Variants in ACADSB observed in about 807,000 individuals in gnomAD.
The protein encoded by ACADSB is short/branched chain specific acyl-CoA dehydrogenase, mitochondrial.
In ACADSB, 40 loss-of-function variants were observed where a neutral mutation model predicts 54.1. That is an observed-to-expected ratio of 0.74 (90% confidence interval 0.57 to 0.96). The LOEUF (loss-of-function observed/expected upper bound fraction) is 0.96, where lower values mean the gene tolerates loss of function less well. ACADSB is among the 40% of genes least tolerant of loss of function. The pLI, the probability that ACADSB is intolerant of heterozygous loss-of-function variation, is 0.00. For missense variants in ACADSB, 530 were observed against 510.4 expected (o/e 1.04, Z -0.37); for synonymous variants, 182 against 182.8 (o/e 1.00, Z 0.03).
intron 6 of ACADSB, among the ~76,000 whole-genome samples, chr10:123,044,015 A>G (rs1275658175): frequency 6.6e-6 from 1 of 152,222 alleles, no homozygotes; most frequent in Non-Finnish European, 1.5e-5. Context: ...AAGGCTTACT[A>G]CACTTGTTTT....
At chr10:123,045,921 G>A (rs916273980) in intron 7 of ACADSB, among the ~76,000 whole-genome samples, 3 of 152,138 alleles carry the variant, frequency 2.0e-5, no homozygotes, top group African/African-American at 7.2e-5. Flanking sequence ...AGAGGCACAC[G>A]GAGTATAACA....
At chr10:123,029,002 G>A (rs1057247641) in intron 1 of ACADSB, among the ~76,000 whole-genome samples, 16 of 152,202 alleles carry the variant, frequency 1.1e-4, no homozygotes, top group African/African-American at 3.9e-4. Flanking sequence ...CTTTGCTACA[G>A]ATTTGTTTTA....
At chr10:123,046,574 C>T (rs1243681174) in intron 7 of ACADSB, among the ~76,000 whole-genome samples, 1 of 152,208 alleles carries the variant, frequency 6.6e-6, no homozygotes, top group Non-Finnish European at 1.5e-5. Context: ...TTAGGTCACA[C>T]TCCTTCACCT....
intron 7 of ACADSB, 144 bp from the exon 8 acceptor site, chr10:123,047,062 GTTA>G: frequency 1.4e-6 from 1 of 691,702 alleles, no homozygotes; most frequent in Non-Finnish European, 2.5e-6. Flanking sequence ...GTGAGGATGT[GTTA>G]TTAACACACA....
rs926088135 is a variant in ACADSB, at chr10:123,056,888, G to A, written c.*3123G>A. ...AATTGTGTAAATACAATTGACATAGGAATTACATTAAAATATTAGGAAGAA... is the reference window on the plus strand; with the variant it reads ...AATTGTGTAAATACAATTGACATAGAAATTACATTAAAATATTAGGAAGAA... On this transcript the variant is annotated 3_prime_UTR_variant, in exon 11 of 11. Coordinates refer to ENST00000358776, the MANE Select transcript of ACADSB (RefSeq NM_001609.4). 8 of 152,558 alleles carry A rather than the reference G, an allele frequency of 5.2e-5. No individual in the cohort carries two copies. The highest frequency in any genetic ancestry group is 1.3e-4 in the Admixed American group (2 of 15,276). The allele number at this position is 152,558 out of a possible 1,614,324, so 9.5% of individuals were successfully genotyped here.
chr10:123,056,590 C>G lies in ACADSB; in HGVS notation c.*2825C>G, dbSNP rs191970839. On this transcript the variant is annotated 3_prime_UTR_variant, in exon 11 of 11. Transcript: ENST00000358776. ...CAGTCAGAAGAGACCCCCTGTGTGG[C>G]CTGAGTCCCCTCAGGAGGAAGGTGG... The G allele has an allele frequency of 6.6e-6, 1 of 152,304 alleles. No homozygotes were observed. Among genetic ancestry groups the G allele is most frequent in the African/African-American group, 2.4e-5 (1 of 41,524 alleles). The allele number at this position is 152,304 out of a possible 1,614,324, so 9.4% of individuals were successfully genotyped here.
At position 123,058,192 on chromosome 10, in the gene ACADSB, G is replaced by A. The variant is rs1044495386; in HGVS notation, c.*4427G>A. On this transcript the variant is annotated 3_prime_UTR_variant, in exon 11 of 11. Transcript: ENST00000358776. ...GATCTTTCATAAAGCAGAATGGTATGTATCGGATTGTTTTAATGTTATATA... is the reference window on the plus strand; with the variant it reads ...GATCTTTCATAAAGCAGAATGGTATATATCGGATTGTTTTAATGTTATATA... 3.3e-5 allele frequency: 5 copies of A among 152,128 alleles called. No homozygotes were observed. The highest frequency in any genetic ancestry group is 9.7e-5 in the African/African-American group (4 of 41,420). 9.4% of individuals were successfully genotyped at this position (152,128 alleles called of 1,614,324 possible). A position where few individuals can be genotyped will look rare whatever the true frequency, so the allele number is the denominator to read the frequency against.
intron 1 of ACADSB, among the ~76,000 whole-genome samples, chr10:123,027,229 C>A (rs1850266662): frequency 6.6e-6 from 1 of 152,106 alleles, no homozygotes; most frequent in South Asian, 2.1e-4. Context: ...AGTAAGGATG[C>A]CCAGGGCAGA....
chr10:123,044,070 C>A (rs1045444712), intron 6 of ACADSB, among the ~76,000 whole-genome samples: 1 of 151,454 alleles, frequency 6.6e-6, no homozygotes, highest in Non-Finnish European at 1.5e-5. Context: ...TGTTATCTCA[C>A]ACTGTAGCCT....
chr10:123,026,577 A>G (rs910687334), intron 1 of ACADSB, among the ~76,000 whole-genome samples: 2 of 152,300 alleles, frequency 1.3e-5, no homozygotes, highest in Admixed American at 6.5e-5. Flanking sequence ...TTAGATTTCT[A>G]TGCAGTCTAA....
At chr10:123,032,583 C>CTTTTT (rs889911796) in intron 1 of ACADSB, among the ~76,000 whole-genome samples, 89 of 106,918 alleles carry the variant, frequency 8.3e-4, no homozygotes, top group Non-Finnish European at 1.1e-3. Flanking sequence ...AATTTCCATT[C>CTTTTT]TTTTTTTTTT....
At chr10:123,049,486 T>C (rs1484477001) in intron 8 of ACADSB, among the ~76,000 whole-genome samples, 2 of 152,214 alleles carry the variant, frequency 1.3e-5, no homozygotes, top group African/African-American at 4.8e-5. Flanking sequence ...ACAGCATGGA[T>C]GGTGACTGTA....
chr10:123,027,542 T>G (rs1850271452), intron 1 of ACADSB: 1 of 455,298 alleles, frequency 2.2e-6, no homozygotes, highest in Non-Finnish European at 4.4e-6. Context: ...ATGTAAGAAG[T>G]GCCTTTTGCC....
intron 3 of ACADSB, among the ~76,000 whole-genome samples, chr10:123,039,212 C>T (rs1330453047): frequency 6.6e-6 from 1 of 152,194 alleles, no homozygotes. Flanking sequence ...GTGCCCTCCT[C>T]AGTTCTCAGG....
At position 123,034,533 on chromosome 10, in the gene ACADSB, T is replaced by C. The variant is rs1254630847; in HGVS notation, c.202+18T>C. On this transcript the variant is annotated intron_variant, in intron 2 of 10. Coordinates refer to ENST00000358776, the MANE Select transcript of ACADSB (RefSeq NM_001609.4). ...GAGTTCAGGTAAGTAAATTTATCAG[T>C]GTCACCTTTTTCTCCCCAGACAGGA... 22 of 1,600,834 alleles carry C rather than the reference T, an allele frequency of 1.4e-5. No homozygotes were observed. The highest frequency in any genetic ancestry group is 1.8e-5 in the Non-Finnish European group (21 of 1,178,358).
intron 1 of ACADSB, among the ~76,000 whole-genome samples, chr10:123,011,710 A>G (rs1850038821): frequency 6.6e-6 from 1 of 151,752 alleles, no homozygotes; most frequent in African/African-American, 2.4e-5. Context: ...TAGTTTTAGT[A>G]CAGATGGGGT....
chr10:123,051,119 C>T lies in ACADSB; in HGVS notation c.1061C>T (p.Ala354Val). The T allele has an allele frequency of 1.3e-6, 2 of 1,590,898 alleles. No homozygotes were observed. Among genetic ancestry groups the T allele is most frequent in the Non-Finnish European group, 1.7e-6 (2 of 1,171,958 alleles). Residue 354 changes from alanine (A) to valine (V), a missense_variant, in exon 9 of 11, where the codon GCT (alanine) becomes GTT (valine). Coordinates refer to ENST00000358776, the MANE Select transcript of ACADSB (RefSeq NM_001609.4). ...EAARLLTYNA[A>V]RLLEAGKPFI... is the part of the protein sequence containing the mutation. ...GCAAGATTACTAACATACAATGCTG[C>T]TAGGCTTTTAGAAGCTGGAAAGCCA... is the stretch of plus-strand genomic sequence containing the variant.
At chr10:123,018,341 C>A (rs1850135227) in intron 1 of ACADSB, among the ~76,000 whole-genome samples, 1 of 152,078 alleles carries the variant, frequency 6.6e-6, no homozygotes, top group Admixed American at 6.6e-5. Context: ...TGTGTTGATT[C>A]CCTTGCCTTG....
intron 5 of ACADSB, among the ~76,000 whole-genome samples, chr10:123,041,806 T>G (rs1421813544): frequency 1.3e-5 from 2 of 152,140 alleles, no homozygotes; most frequent in African/African-American, 4.8e-5. Flanking sequence ...ATGCAAATAT[T>G]ACACCATTTT....
Sources: gnomAD v4.1 joint callset for allele counts (sites outside exome capture counted in the v4.1 genomes callset) on GRCh38, gnomAD v4.1.1 for gene constraint, MANE v1.5 for transcripts, NCBI Gene and HGNC (gene_info 2026-07-23, HGNC 2026-07-21) for gene names.